Variants in NT5E observed in about 807,000 individuals in gnomAD.
NT5E encodes the protein 5'-nucleotidase ecto.
NT5E carries 53 observed loss-of-function variants against 55.1 expected under a neutral mutation model. The observed-to-expected ratio is 0.96, with a 90% CI of 0.77 to 1.21. NT5E has a LOEUF of 1.21. Ranked by LOEUF, NT5E falls within the 50% of genes most tolerant of loss-of-function variation. NT5E has a pLI of 0.00. For synonymous variants in NT5E, 270 were observed against 278.4 expected, an observed-to-expected ratio of 0.97 and a Z score of 0.30; for missense variants, 683 against 724.3, an observed-to-expected ratio of 0.94 and a Z score of 0.65.
chr6:85,490,563 C>A lies in NT5E; in HGVS notation c.1266C>A (p.Asp422Glu). ...TATTGCCCTTTGGAGGCACATTTGA[C>A]CTAGTCCAGTTAAAAGGTTCCACCC... ...AAVLPFGGTF[D>E]LVQLKGSTLK... is the part of the protein sequence containing the mutation. The change falls in exon 7 of 9, where the codon GAC becomes GAA. Residue 422 changes from aspartate (D) to glutamate (E), a missense_variant. Transcript: ENST00000257770. The A allele has an allele frequency of 6.2e-7, 1 of 1,614,168 alleles. No homozygotes were observed. The highest frequency in any genetic ancestry group is 8.5e-7 in the Non-Finnish European group (1 of 1,179,996).
chr6:85,451,927 A>C (rs1460330801), intron 1 of NT5E, among the ~76,000 whole-genome samples: 1 of 152,158 alleles, frequency 6.6e-6, no homozygotes, highest in East Asian at 1.9e-4. Context: ...AAGGGGAGAA[A>C]GCTCCCTCCG....
intron 7 of NT5E, among the ~76,000 whole-genome samples, chr6:85,491,479 C>T (rs1455774200): frequency 2.0e-5 from 3 of 152,222 alleles, no homozygotes; most frequent in African/African-American, 7.2e-5. Flanking sequence ...ATGGGGCAAC[C>T]CAAACATCCT....
rs1769864278 is a variant in NT5E, at chr6:85,495,138, T to C, written c.*1134T>C. ...GTCCAGAGTTCTCGAAGAAAATAAA[T>C]GACTTTAGGAAGAGGTATACATTTT... On this transcript the variant is annotated 3_prime_UTR_variant, in exon 9 of 9. Transcript: ENST00000257770. 6.6e-6 allele frequency: 1 copy of C among 152,234 alleles called. No individual in the cohort carries two copies. The highest frequency in any genetic ancestry group is 6.5e-5 in the Admixed American group (1 of 15,290). 9.4% of individuals were successfully genotyped at this position (152,234 alleles called of 1,614,324 possible).
intron 1 of NT5E, among the ~76,000 whole-genome samples, chr6:85,456,000 A>G (rs1398896104): frequency 6.6e-6 from 1 of 152,170 alleles, no homozygotes; most frequent in Non-Finnish European, 1.5e-5. Flanking sequence ...TGGTCGCCAG[A>G]AAGACTAATT....
chr6:85,492,356 G>C (rs961423161), intron 8 of NT5E, among the ~76,000 whole-genome samples, 179 bp downstream of exon 8: 1 of 152,092 alleles, frequency 6.6e-6, no homozygotes, highest in Non-Finnish European at 1.5e-5. Context: ...GTCAATCCCC[G>C]AGCACACACA....
chr6:85,480,926 T>C (rs2127723306), intron 3 of NT5E, among the ~76,000 whole-genome samples: 1 of 152,214 alleles, frequency 6.6e-6, no homozygotes, highest in South Asian at 2.1e-4. Context: ...CAAAACCCAT[T>C]CTCCTGTATC....
At chr6:85,463,819 A>G (rs2127755734) in intron 1 of NT5E, among the ~76,000 whole-genome samples, 1 of 152,310 alleles carries the variant, frequency 6.6e-6, no homozygotes. Context: ...TCGTAAGTGC[A>G]ATAGAAGAAA....
At position 85,450,801 on chromosome 6, in the gene NT5E, C is replaced by T. The variant is rs137911522; in HGVS notation, c.339+323C>T. Among the ~76,000 whole-genome samples, 1 of 152,314 alleles carries T rather than the reference C, an allele frequency of 6.6e-6. No individual in the cohort carries two copies. The highest frequency in any genetic ancestry group is 1.5e-5 in the Non-Finnish European group (1 of 68,028). On this transcript the variant is annotated intron_variant, in intron 1 of 8. Coordinates refer to ENST00000257770, the MANE Select transcript of NT5E (RefSeq NM_002526.4). This position sits in a 1 kb window ranked among gnomAD's most constrained non-coding sequence, Gnocchi z 4.0. ...GCTAGGGACTGAATCGGATCCCTCA[C>T]GCAGCTCTCATTTACTGCTAGATCT...
intron 2 of NT5E, among the ~76,000 whole-genome samples, 159 bp downstream of exon 2, chr6:85,467,441 G>T (rs1245190857): frequency 6.6e-6 from 1 of 152,202 alleles, no homozygotes; most frequent in Non-Finnish European, 1.5e-5. Context: ...CTATGCTGTT[G>T]TTCCAAGGTA....
chr6:85,487,313 T>A, intron 4 of NT5E, 22 bp from the exon 5 acceptor site: 1 of 1,604,958 alleles, frequency 6.2e-7, no homozygotes, highest in Non-Finnish European at 8.5e-7. Flanking sequence ...AATTGTAGGG[T>A]ACCTTCTTTT....
rs1179207811 is a variant in NT5E at position 85,487,401 on chromosome 6, T to G, written c.1016T>G (p.Leu339Ter). 6.2e-7 allele frequency: 1 copy of G among 1,613,846 alleles called. No homozygotes were observed. Among genetic ancestry groups the G allele is most frequent in the Non-Finnish European group, 8.5e-7 (1 of 1,179,776 alleles). ...IKLDNYSTQE[L>*]GKTIVYLDGS... ...TTGGATAATTATTCTACCCAGGAAT[T>G]AGGGAAAACAATTGTCTATCTGGAT... The change falls in exon 5 of 9, where the codon TTA (leucine) becomes TGA (stop). Residue 339 changes from leucine (L) to a stop codon, truncating the protein, a stop_gained. Coordinates refer to ENST00000257770, the MANE Select transcript of NT5E (RefSeq NM_002526.4). LOFTEE classifies it high-confidence loss of function.
At chr6:85,490,297 G>A (rs990036171) in intron 6 of NT5E, among the ~76,000 whole-genome samples, 3 of 152,174 alleles carry the variant, frequency 2.0e-5, no homozygotes, top group Admixed American at 6.5e-5. Context: ...GTGAGCTCCC[G>A]CCATCTTGCC....
chr6:85,477,467 C>A (rs1403833534), intron 3 of NT5E, among the ~76,000 whole-genome samples: 1 of 152,036 alleles, frequency 6.6e-6, no homozygotes, highest in African/African-American at 2.4e-5. Flanking sequence ...GCTCTTAAAA[C>A]AAATGGAGCT....
intron 1 of NT5E, among the ~76,000 whole-genome samples, chr6:85,466,076 G>A (rs1215461357): frequency 6.6e-6 from 1 of 152,188 alleles, no homozygotes; most frequent in Non-Finnish European, 1.5e-5. Context: ...GGTGTATCCA[G>A]GAGGCCAATG....
Position 85,471,389 on chromosome 6 carries a change from G to C in NT5E, c.715G>C (p.Val239Leu), listed in dbSNP as rs200840390. The change falls in exon 3 of 9, where the codon GTG (valine) becomes CTG (leucine). Residue 239 changes from valine to leucine, a missense_variant. Val to Leu is a conservative substitution (Grantham distance 32, BLOSUM62 1). Coordinates refer to ENST00000257770, the MANE Select transcript of NT5E (RefSeq NM_002526.4). ...IAQKVRGVDV[V>L]VGGHSNTFLY... is the part of the protein sequence containing the mutation. ...TCAGAAAGTGAGGGGTGTGGACGTC[G>C]TGGTGGGAGGACACTCCAACACATT... is the stretch of plus-strand genomic sequence containing the variant. The C allele has an allele frequency of 3.1e-6, 5 of 1,612,928 alleles. No homozygotes were observed. The highest frequency in any genetic ancestry group is 3.4e-6 in the Non-Finnish European group (4 of 1,179,192).
At position 85,493,978 on chromosome 6, in the gene NT5E, G is replaced by A. The variant is rs1045204114; in HGVS notation, c.1699G>A (p.Ala567Thr). 21 of 1,613,942 alleles carry A rather than the reference G, an allele frequency of 1.3e-5. No individual in the cohort carries two copies. The highest frequency in any genetic ancestry group is 1.7e-5 in the Admixed American group (1 of 60,004). The stretch of plus-strand genomic sequence containing the variant: ...TTCTTTAATATTTCTTTCACTTTGG[G>A]CAGTGATCTTTGTTTTATACCAATA... The part of the protein sequence containing the change: ...SFSLIFLSLW[A>T]VIFVLYQ Residue 567 changes from alanine (A) to threonine (T), a missense_variant, in exon 9 of 9, where the codon GCA becomes ACA. Transcript: ENST00000257770.
In NT5E at chr6:85,485,225, T is replaced by G. The variant is rs748311240; in HGVS notation, c.752-10T>G. On this transcript the variant is annotated splice_polypyrimidine_tract_variant and intron_variant, in intron 3 of 8. Coordinates refer to ENST00000257770, the MANE Select transcript of NT5E (RefSeq NM_002526.4). ...GGCTGACTTGATCAGCTGTGGCTCT[T>G]TTATTTCAGGCAATCCACCTTCCAA... is the stretch of plus-strand genomic sequence containing the variant. 1.2e-6 allele frequency: 2 copies of G among 1,614,002 alleles called. No homozygotes were observed. Among genetic ancestry groups the G allele is most frequent in the Non-Finnish European group, 8.5e-7 (1 of 1,179,974 alleles).
At position 85,450,172 on chromosome 6, in the gene NT5E, G is replaced by A. The variant is rs978640123; in HGVS notation, c.33G>A (p.Thr11=). 4 of 1,601,064 alleles carry A rather than the reference G, an allele frequency of 2.5e-6. No homozygotes were observed. In the African/African-American group the frequency reaches 4.0e-5, roughly 16 times the overall value. The change falls in exon 1 of 9, where the codon ACG becomes ACA. Residue 11 remains threonine, a synonymous_variant. Coordinates refer to ENST00000257770, the MANE Select transcript of NT5E (RefSeq NM_002526.4). The surrounding 1 kb of genome is among the most constrained non-coding windows in gnomAD (Gnocchi z 4.0). The part of the protein sequence containing the change: MCPRAARAPA[T]LLLALGAVLW... Reference sequence around the variant, plus strand: ...CCCGAGCCGCGCGGGCGCCCGCGACGCTACTCCTCGCCCTGGGCGCGGTGC... The same window carrying A: ...CCCGAGCCGCGCGGGCGCCCGCGACACTACTCCTCGCCCTGGGCGCGGTGC...
At position 85,475,010 on chromosome 6, in the gene NT5E, A is replaced by G. The variant is rs1359369354; in HGVS notation, c.751+3585A>G. Among the ~76,000 whole-genome samples, 4 of 152,348 alleles carry G rather than the reference A, an allele frequency of 2.6e-5. No individual in the cohort carries two copies. In the East Asian group the frequency reaches 7.7e-4, roughly 29 times the overall value. On this transcript the variant is annotated intron_variant, in intron 3 of 8. Transcript: ENST00000257770. ...GGGATGAGGCATATTGCCTGTTTAA[A>G]TAAACTTTCCTGGCCTTAAGAAAAC...
Sources: gnomAD v4.1 joint callset for allele counts (sites outside exome capture counted in the v4.1 genomes callset) on GRCh38, gnomAD v4.1.1 for gene constraint, Gnocchi (gnomAD v3.1) non-coding constraint, MANE v1.5 for transcripts, NCBI Gene and HGNC (gene_info 2026-07-23, HGNC 2026-07-21) for gene names.